INSR: variants seen among roughly 807,000 people sequenced by gnomAD.
INSR encodes IR.
In INSR, 67 loss-of-function variants were observed where a neutral mutation model predicts 142.6. That is an observed-to-expected ratio of 0.47 (90% CI 0.39 to 0.58). The LOEUF (loss-of-function observed/expected upper bound fraction) is 0.58, where lower values mean the gene tolerates loss of function less well. INSR is among the 20% of genes least tolerant of loss of function. The pLI, the probability that INSR is intolerant of heterozygous loss-of-function variation, is 0.00. For synonymous variants in INSR, 756 were observed against 743.1 expected (o/e 1.02, Z -0.28); for missense variants, 1,248 against 1,833.2 (o/e 0.68, Z 5.83).
intron 2 of INSR, among the ~76,000 whole-genome samples, chr19:7,219,505 G>GAGGGAAGGAAGGAGGGAGGA (rs1296960155): frequency 6.0e-5 from 8 of 133,278 alleles, no homozygotes; most frequent in African/African-American, 2.2e-4. Context: ...AGGAGGGAGG[G>GAGGGAAGGAAGGAGGGAGGA]AGGGAACGAA....
rs1283504748 is a variant in INSR, at chr19:7,142,902, C to T, written c.2456G>A (p.Arg819His). The T allele has an allele frequency of 5.6e-6, 9 of 1,613,978 alleles. No individual in the cohort carries two copies. Among genetic ancestry groups the T allele is most frequent in the African/African-American group, 1.3e-5 (1 of 74,902 alleles). The change falls in exon 12 of 22, where the codon CGC (arginine) becomes CAC (histidine). Residue 819 changes from arginine to histidine, a missense_variant. Arg to His is a conservative substitution (Grantham distance 29, BLOSUM62 0). This residue lies in a region of INSR where 1,069 missense variants were observed against 1,654.0 expected (regional missense o/e 0.65). Transcript: ENST00000302850. ...CTGGTTGCAAGCCTGCAGCTCGATG[C>T]GATAGCCCGTGAAGTGTCGCAAGCC... ...ISGLRHFTGY[R>H]IELQACNQDT...
At chr19:7,157,562 C>T (rs542572496) in intron 9 of INSR, among the ~76,000 whole-genome samples, 1 of 152,092 alleles carries the variant, frequency 6.6e-6, no homozygotes, top group South Asian at 2.1e-4. Flanking sequence ...CGCACCCAGC[C>T]TACAATACTT....
chr19:7,279,826 T>C (rs1032485912), intron 1 of INSR, among the ~76,000 whole-genome samples: 2 of 149,860 alleles, frequency 1.3e-5, no homozygotes, highest in Admixed American at 6.7e-5. Context: ...AAAAAAAAAA[T>C]TGGATGGGTG....
At chr19:7,147,680 A>G (rs1404893699) in intron 11 of INSR, among the ~76,000 whole-genome samples, 1 of 152,212 alleles carries the variant, frequency 6.6e-6, no homozygotes, top group African/African-American at 2.4e-5. Flanking sequence ...AAACAGCTCC[A>G]CCACTTATCA....
In INSR at chr19:7,159,367, C is replaced by T. The variant is rs899676120; in HGVS notation, c.2029+3665G>A. On this transcript the variant is annotated intron_variant, in intron 9 of 21. Coordinates refer to ENST00000302850, the MANE Select transcript of INSR (RefSeq NM_000208.4). This position sits in a 1 kb window ranked among gnomAD's most constrained non-coding sequence, Gnocchi z 4.3. ...TCCCTGGCACTCCCCATTCTACTTT[C>T]TGTCTCTATGAATCTGAGGACTCTA... is the stretch of plus-strand genomic sequence containing the variant. 1 of 152,250 alleles carries T rather than the reference C, an allele frequency of 6.6e-6. No homozygotes were observed. The highest frequency in any genetic ancestry group is 6.6e-5 in the Admixed American group (1 of 15,260). 9.4% of individuals were successfully genotyped at this position (152,250 alleles called of 1,614,324 possible).
chr19:7,278,628 G>A (rs988520998), intron 1 of INSR, among the ~76,000 whole-genome samples: 1 of 152,222 alleles, frequency 6.6e-6, no homozygotes, highest in African/African-American at 2.4e-5. Context: ...GGAGGTCAAG[G>A]GGGGTGGATC....
intron 2 of INSR, among the ~76,000 whole-genome samples, chr19:7,223,041 A>T (rs751130537): frequency 6.6e-6 from 1 of 152,096 alleles, no homozygotes; most frequent in Admixed American, 6.5e-5. Context: ...AAATTAGCCC[A>T]GTGTGGTGGC....
At chr19:7,291,228 A>G (rs1968486980) in intron 1 of INSR, among the ~76,000 whole-genome samples, 1 of 152,208 alleles carries the variant, frequency 6.6e-6, no homozygotes, top group Non-Finnish European at 1.5e-5. Flanking sequence ...CGGACTCAAA[A>G]GAACAAAGAT....
chr19:7,173,857 C>T (rs1028520331), intron 4 of INSR, among the ~76,000 whole-genome samples: 13 of 151,534 alleles, frequency 8.6e-5, no homozygotes, highest in South Asian at 4.2e-4. Context: ...TCTCACCTCA[C>T]GTGATCCACC....
intron 2 of INSR, among the ~76,000 whole-genome samples, chr19:7,234,921 G>A (rs1600072057): frequency 1.3e-5 from 2 of 152,082 alleles, no homozygotes; most frequent in Non-Finnish European, 2.9e-5. Context: ...AGCCAGGTGT[G>A]GTGGAGGGCA....
intron 2 of INSR, among the ~76,000 whole-genome samples, chr19:7,249,793 C>G (rs181166938): frequency 2.6e-5 from 4 of 152,224 alleles, no homozygotes; most frequent in Admixed American, 6.5e-5. Flanking sequence ...GAGATCGAGA[C>G]CATCCTGGCT....
chr19:7,191,267 G>C (rs955129702), intron 2 of INSR, among the ~76,000 whole-genome samples: 2 of 145,346 alleles, frequency 1.4e-5, no homozygotes, highest in Admixed American at 1.4e-4. Flanking sequence ...ACTGCTGGAA[G>C]AGAGAGTGAG....
At chr19:7,175,453 T>A (rs1161359902) in intron 3 of INSR, among the ~76,000 whole-genome samples, 3 of 152,064 alleles carry the variant, frequency 2.0e-5, no homozygotes, top group Non-Finnish European at 4.4e-5. Flanking sequence ...GGGGGTGGCG[T>A]CCTATGCATT....
chr19:7,293,953 G>A lies in INSR; in HGVS notation c.-62C>T, dbSNP rs532052290. ...CGCGGCGCTGGCCCGCGGGGGTCATGCTCCGAGGCGGCCACCCAAGAGGCG... is the reference window on the plus strand; with the variant it reads ...CGCGGCGCTGGCCCGCGGGGGTCATACTCCGAGGCGGCCACCCAAGAGGCG... On this transcript the variant is annotated 5_prime_UTR_variant, in exon 1 of 22. Transcript: ENST00000302850. The A allele has an allele frequency of 1.4e-4, 164 of 1,148,468 alleles. 1 individual carries two copies. The East Asian group carries it at 7.1e-3, about 50-fold the overall frequency. 71.1% of individuals were successfully genotyped at this position (1,148,468 alleles called of 1,614,324 possible).
intron 2 of INSR, among the ~76,000 whole-genome samples, chr19:7,186,999 G>C (rs564291682): frequency 6.7e-6 from 1 of 150,004 alleles, no homozygotes; most frequent in Non-Finnish European, 1.5e-5. Context: ...CACTGCGCCC[G>C]ACATCCCATT....
At chr19:7,291,151 C>T (rs1484781724) in intron 1 of INSR, among the ~76,000 whole-genome samples, 1 of 152,072 alleles carries the variant, frequency 6.6e-6, no homozygotes, top group Non-Finnish European at 1.5e-5. Context: ...CTTCAAGAGG[C>T]ATCACAGCCC....
rs931601869 is a variant in INSR at position 7,114,083 on chromosome 19, C to T, written c.*2973G>A. The T allele has an allele frequency of 3.5e-5, 5 of 142,008 alleles. No homozygotes were observed. The highest frequency in any genetic ancestry group is 7.1e-5 in the Admixed American group (1 of 14,036). The allele number at this position is 142,008 out of a possible 1,614,324, so 8.8% of individuals were successfully genotyped here. On this transcript the variant is annotated 3_prime_UTR_variant, in exon 22 of 22. Coordinates refer to ENST00000302850, the MANE Select transcript of INSR (RefSeq NM_000208.4). The stretch of plus-strand genomic sequence containing the variant: ...AAAAAAAAAAAAAAAGCGTTCAGCA[C>T]ATTAATGGGTTTTGGATTGGAATTT...
intron 2 of INSR, among the ~76,000 whole-genome samples, chr19:7,262,163 C>T (rs956376037): frequency 6.6e-6 from 1 of 152,210 alleles, no homozygotes; most frequent in South Asian, 2.1e-4. Context: ...TCAAAAATCC[C>T]ATCAGACATC....
chr19:7,284,678 G>A (rs1025679987), intron 1 of INSR, among the ~76,000 whole-genome samples: 12 of 152,006 alleles, frequency 7.9e-5, no homozygotes, highest in African/African-American at 2.4e-4. Context: ...ACAGGCGCCC[G>A]CCACCACACC....
Sources: gnomAD v4.1 joint callset for allele counts (sites outside exome capture counted in the v4.1 genomes callset) on GRCh38, gnomAD v4.1.1 for gene constraint, gnomAD v4.1.1 regional missense constraint, Gnocchi (gnomAD v3.1) non-coding constraint, MANE v1.5 for transcripts, NCBI Gene and HGNC (gene_info 2026-07-23, HGNC 2026-07-21) for gene names.